Variants in NLK observed in about 807,000 individuals in gnomAD.
NLK encodes the protein nemo like kinase.
NLK carries 11 observed loss-of-function variants against 59.0 expected under a neutral mutation model. That is an observed-to-expected ratio of 0.19 (90% CI 0.12 to 0.31). The LOEUF (loss-of-function observed/expected upper bound fraction) is 0.31, where lower values mean the gene tolerates loss of function less well. NLK is among the 10% of genes least tolerant of loss of function. The pLI is 1.00. For synonymous variants in NLK, 235 were observed against 235.9 expected (o/e 1.00, Z 0.03); for missense variants, 410 against 661.1 (o/e 0.62, Z 4.16).
At chr17:28,104,156 T>C (rs1258120282) in intron 1 of NLK, among the ~76,000 whole-genome samples, 1 of 152,224 alleles carries the variant, frequency 6.6e-6, no homozygotes, top group Non-Finnish European at 1.5e-5. Context: ...CTCTCTAGTT[T>C]CTGGTGATTT....
At chr17:28,149,913 A>G (rs561941822) in intron 3 of NLK, among the ~76,000 whole-genome samples, 10 of 152,220 alleles carry the variant, frequency 6.6e-5, no homozygotes, top group Admixed American at 4.6e-4. Context: ...AAGGGAAGGA[A>G]TACTACATTA....
In NLK at chr17:28,043,464, C is replaced by G. The variant is rs34248695; in HGVS notation, c.458+133C>G. ...TTCTCAACCCAACTGTAGGAAGCCA[C>G]CCTCACTTATGTGGTAAAGAGGCCT... On this transcript the variant is annotated intron_variant, in intron 1 of 10. Transcript: ENST00000407008. 4.7e-3 allele frequency: 3,673 copies of G among 773,382 alleles called. 104 individuals are homozygous for G. The African/African-American group carries it at 0.057, about 12-fold the overall frequency. 47.9% of individuals were successfully genotyped at this position (773,382 alleles called of 1,614,324 possible).
In NLK at chr17:28,122,595, T is replaced by A. The variant is rs746942336; in HGVS notation, c.459-8T>A. On this transcript the variant is annotated splice_region_variant and splice_polypyrimidine_tract_variant and intron_variant, in intron 1 of 10. Transcript: ENST00000407008. ...TTTTTTCCCCTTCCCCAAATATTGC[T>A]TCTTTAGGTCAGTAACAGATCCAAG... The A allele has an allele frequency of 1.9e-6, 3 of 1,612,802 alleles. No homozygotes were observed. Among genetic ancestry groups the A allele is most frequent in the Non-Finnish European group, 2.5e-6 (3 of 1,179,448 alleles).
chr17:28,074,843 A>G (rs529859504), intron 1 of NLK, among the ~76,000 whole-genome samples: 72 of 152,316 alleles, frequency 4.7e-4, no homozygotes, highest in African/African-American at 1.7e-3. Flanking sequence ...TTAACAATAG[A>G]GGGAAGGCAC....
chr17:28,092,618 G>C (rs1440676043), intron 1 of NLK, among the ~76,000 whole-genome samples: 1 of 152,078 alleles, frequency 6.6e-6, no homozygotes, highest in Non-Finnish European at 1.5e-5. Flanking sequence ...TTTCTAACCA[G>C]AGTTAAGTTA....
intron 3 of NLK, among the ~76,000 whole-genome samples, chr17:28,137,136 A>G (rs1032178454): frequency 1.3e-5 from 2 of 152,196 alleles, no homozygotes; most frequent in Non-Finnish European, 2.9e-5. Flanking sequence ...TGGCGCACAC[A>G]TTACAAATGG....
chr17:28,111,890 GT>G (rs1260725395), intron 1 of NLK, among the ~76,000 whole-genome samples: 95 of 117,618 alleles, frequency 8.1e-4, no homozygotes, highest in African/African-American at 2.6e-3. Flanking sequence ...GTGTGTGTGT[GT>G]GTGTGGTGTG....
chr17:28,184,563 A>T (rs1218932892), intron 7 of NLK, among the ~76,000 whole-genome samples: 1 of 152,118 alleles, frequency 6.6e-6, no homozygotes, highest in African/African-American at 2.4e-5. Context: ...AAAAAAAAAG[A>T]TGGCTAGCAG....
rs562038212 is a variant in NLK at position 28,053,658 on chromosome 17, T to C, written c.458+10327T>C. 2.0e-4 allele frequency among the ~76,000 whole-genome samples: 30 copies of C among 152,316 alleles called. No individual in the cohort carries two copies. In the Middle Eastern group the frequency reaches 0.01, roughly 52 times the overall value. Reference sequence around the variant, plus strand: ...CCATTCTTTGACCTAAAATTCTTGCTCTGAGCTACAGAAAAAAGGTGAAAA... The same window carrying C: ...CCATTCTTTGACCTAAAATTCTTGCCCTGAGCTACAGAAAAAAGGTGAAAA... On this transcript the variant is annotated intron_variant, in intron 1 of 10. Coordinates refer to ENST00000407008, the MANE Select transcript of NLK (RefSeq NM_016231.5).
intron 1 of NLK, among the ~76,000 whole-genome samples, chr17:28,098,739 A>G (rs971142768): frequency 2.1e-5 from 3 of 142,502 alleles, no homozygotes; most frequent in South Asian, 2.2e-4. Context: ...CTGGAGTGCA[A>G]TGGCGCCATC....
At chr17:28,078,797 G>A (rs1029445478) in intron 1 of NLK, among the ~76,000 whole-genome samples, 1 of 151,912 alleles carries the variant, frequency 6.6e-6, no homozygotes, top group African/African-American at 2.4e-5. Context: ...TGTGAATAAA[G>A]TTCATCTGTA....
intron 1 of NLK, among the ~76,000 whole-genome samples, chr17:28,107,767 A>G (rs1427207301): frequency 6.6e-6 from 1 of 152,210 alleles, no homozygotes; most frequent in Non-Finnish European, 1.5e-5. Flanking sequence ...AATTAAAACA[A>G]TGTTCATTGA....
chr17:28,098,837 G>A (rs113947265), intron 1 of NLK, among the ~76,000 whole-genome samples: 7,564 of 151,748 alleles, frequency 0.05, 625 homozygotes, highest in African/African-American at 0.17. Flanking sequence ...CATGCGCCAC[G>A]ACGCTCGGCT....
intron 1 of NLK, among the ~76,000 whole-genome samples, chr17:28,044,843 G>A (rs1018917107): frequency 6.6e-6 from 1 of 152,152 alleles, no homozygotes; most frequent in Admixed American, 6.5e-5. Context: ...CTTAGATCTG[G>A]ATGCTTACTT....
At chr17:28,187,671 T>G (rs1416252802) in intron 8 of NLK, among the ~76,000 whole-genome samples, 1 of 152,192 alleles carries the variant, frequency 6.6e-6, no homozygotes, top group Non-Finnish European at 1.5e-5. Flanking sequence ...AGGCTGGAAC[T>G]TCCTAAGCCA....
chr17:28,146,948 T>C (rs1015067758), intron 3 of NLK, among the ~76,000 whole-genome samples: 1 of 152,164 alleles, frequency 6.6e-6, no homozygotes, highest in Non-Finnish European at 1.5e-5. Flanking sequence ...CAAAATAAAT[T>C]TAAAGCTGGA....
intron 1 of NLK, among the ~76,000 whole-genome samples, chr17:28,119,108 G>A (rs1905907839): frequency 6.6e-6 from 1 of 152,172 alleles, no homozygotes; most frequent in African/African-American, 2.4e-5. Flanking sequence ...GGGTATGGCA[G>A]CAGCAGAGAA....
chr17:28,137,445 C>G (rs1906802813), intron 3 of NLK, among the ~76,000 whole-genome samples: 1 of 152,060 alleles, frequency 6.6e-6, no homozygotes, highest in African/African-American at 2.4e-5. Flanking sequence ...AGTACCACAT[C>G]ATTACACTTT....
chr17:28,166,012 T>G (rs1016086980), intron 5 of NLK, among the ~76,000 whole-genome samples: 2 of 152,136 alleles, frequency 1.3e-5, no homozygotes, highest in African/African-American at 4.8e-5. Flanking sequence ...GCCAGGAACT[T>G]GAGACCAGCC....
Sources: allele counts gnomAD v4.1 joint callset (sites outside exome capture counted in the v4.1 genomes callset), GRCh38; gene constraint gnomAD v4.1.1; transcripts MANE v1.5; gene names NCBI Gene and HGNC (gene_info 2026-07-23, HGNC 2026-07-21).